The following NMD3 variants were observed in gnomAD, a reference collection of about 807,000 sequenced individuals.
NMD3 encodes 60S ribosomal export protein NMD3.
A neutral mutation model predicts 73.1 loss-of-function variants in NMD3; 47 were observed. That is an observed-to-expected ratio of 0.64 (90% CI 0.51 to 0.82). The LOEUF (loss-of-function observed/expected upper bound fraction) is 0.82. Ranked by LOEUF, NMD3 falls within the 40% of genes least tolerant of loss-of-function variation. The pLI is 0.00. For missense variants in NMD3, 554 were observed against 612.5 expected (o/e 0.90, Z 1.01); for synonymous variants, 210 against 194.5 (o/e 1.08, Z -0.66).
Position 161,234,390 on chromosome 3 carries a change from G to C in NMD3, c.358-337G>C, listed in dbSNP as rs536323784. Among the ~76,000 whole-genome samples the C allele has an allele frequency of 1.7e-4, 26 of 151,224 alleles. No individual in the cohort carries two copies. In the South Asian group the frequency reaches 4.8e-3, roughly 28 times the overall value. On this transcript the variant is annotated intron_variant, in intron 5 of 15. Transcript: ENST00000351193. ...TGCAGTGAACCAAGATCGTGCCACT[G>C]TACTCCAGGCTGGGCAACAGGCAGA... is the stretch of plus-strand genomic sequence containing the variant.
intron 4 of NMD3, among the ~76,000 whole-genome samples, chr3:161,231,682 C>T (rs546193165): frequency 8.5e-5 from 13 of 152,122 alleles, no homozygotes; most frequent in Admixed American, 5.9e-4. Flanking sequence ...AGAGCAAGGA[C>T]GATAGCTGTC....
intron 11 of NMD3, among the ~76,000 whole-genome samples, chr3:161,245,296 A>G (rs1250828786): frequency 6.6e-6 from 1 of 152,068 alleles, no homozygotes; most frequent in Non-Finnish European, 1.5e-5. Context: ...CTTTTCATTT[A>G]TAATAAATGT....
intron 4 of NMD3, among the ~76,000 whole-genome samples, chr3:161,230,222 C>CTAAG (rs1736479959): frequency 6.6e-6 from 1 of 152,150 alleles, no homozygotes; most frequent in African/African-American, 2.4e-5. Context: ...CCTCAGCCTC[C>CTAAG]TAAGTAGTTG....
At chr3:161,241,368 GTTAA>G (rs2108093468) in intron 10 of NMD3, among the ~76,000 whole-genome samples, 2 of 146,274 alleles carry the variant, frequency 1.4e-5, no homozygotes, top group African/African-American at 5.0e-5. Flanking sequence ...AAACAATTCT[GTTAA>G]TTTTTACATA....
chr3:161,243,415 G>T (rs868814786), intron 11 of NMD3, among the ~76,000 whole-genome samples: 2 of 152,106 alleles, frequency 1.3e-5, no homozygotes, highest in Non-Finnish European at 2.9e-5. Flanking sequence ...ATGGATAAGG[G>T]GGGGATTACT....
At chr3:161,226,012 TA>T (rs1281505878) in intron 3 of NMD3, among the ~76,000 whole-genome samples, 2 of 152,126 alleles carry the variant, frequency 1.3e-5, no homozygotes, top group Non-Finnish European at 2.9e-5. Context: ...AAAGTACTGA[TA>T]AAGAACTAAA....
At chr3:161,247,460 G>A in intron 13 of NMD3, 130 bp downstream of exon 13, 4 of 519,982 alleles carry the variant, frequency 7.7e-6, no homozygotes, top group African/African-American at 1.9e-5. Context: ...CTGCAGATAA[G>A]GTATAATAGC....
intron 2 of NMD3, among the ~76,000 whole-genome samples, 165 bp downstream of exon 2, chr3:161,222,222 T>A (rs1195628867): frequency 6.6e-6 from 1 of 152,212 alleles, no homozygotes; most frequent in African/African-American, 2.4e-5. Flanking sequence ...TAGTTTCTGG[T>A]TATAAAGCTT....
chr3:161,238,626 G>A lies in NMD3; in HGVS notation c.657-104G>A, dbSNP rs1391042833. On this transcript the variant is annotated intron_variant, in intron 8 of 15. Coordinates refer to ENST00000351193, the MANE Select transcript of NMD3 (RefSeq NM_015938.5). ...GAGGAGGCATCATGAAGCCATTTTA[G>A]ACCTTGGACAATGATGGTTTGATTT... is the stretch of plus-strand genomic sequence containing the variant. 10 of 668,242 alleles carry A rather than the reference G, an allele frequency of 1.5e-5. No homozygotes were observed. In the African/African-American group the frequency reaches 1.8e-4, roughly 12 times the overall value. 41.4% of individuals were successfully genotyped at this position (668,242 alleles called of 1,614,324 possible).
intron 3 of NMD3, among the ~76,000 whole-genome samples, chr3:161,226,205 G>A (rs1009771233): frequency 6.6e-6 from 1 of 152,142 alleles, no homozygotes; most frequent in Non-Finnish European, 1.5e-5. Context: ...TGTAATCCAA[G>A]CACTTGAGGA....
At chr3:161,223,913 G>T (rs1210163517) in intron 2 of NMD3, among the ~76,000 whole-genome samples, 1 of 152,172 alleles carries the variant, frequency 6.6e-6, no homozygotes, top group Non-Finnish European at 1.5e-5. Flanking sequence ...TACACTTGTG[G>T]TTGGGAAGTT....
intron 11 of NMD3, 22 bp from the exon 12 acceptor site, chr3:161,246,314 G>A (rs1336197421): frequency 1.2e-6 from 1 of 857,032 alleles, no homozygotes; most frequent in Non-Finnish European, 1.8e-6. Flanking sequence ...TTATTGAAGA[G>A]TACATTTTCT....
At chr3:161,223,335 G>T (rs757394924) in intron 2 of NMD3, among the ~76,000 whole-genome samples, 5 of 152,126 alleles carry the variant, frequency 3.3e-5, no homozygotes, top group Non-Finnish European at 7.4e-5. Context: ...GGACAATGTT[G>T]TTCTACATTA....
In NMD3 at chr3:161,238,792, G is replaced by A. The variant is rs200251411; in HGVS notation, c.719G>A (p.Ser240Asn). 1 of 1,570,636 alleles carries A rather than the reference G, an allele frequency of 6.4e-7. No homozygotes were observed. Among genetic ancestry groups the A allele is most frequent in the Non-Finnish European group, 8.7e-7 (1 of 1,150,616 alleles). Residue 240 changes from serine (S) to asparagine (N), a missense_variant, in exon 9 of 16, where the codon AGC becomes AAC. Physicochemically the swap from Ser to Asn is conservative, Grantham distance 46. Transcript: ENST00000351193. ...DIHSNTYNYK[S>N]TFSVEIVPIC... ...CATAGTAACACATACAATTACAAAA[G>A]CACTTTTTCTGTGGAAATTGTTCCA...
At chr3:161,247,203 A>G in intron 12 of NMD3, 55 bp from the exon 13 acceptor site, 1 of 1,139,120 alleles carries the variant, frequency 8.8e-7, no homozygotes, top group Non-Finnish European at 1.3e-6. Context: ...CATAAAATAA[A>G]AAGTTACACA....
chr3:161,252,995 G>A (rs1737547071), downstream of NMD3: 3 of 339,536 alleles, frequency 8.8e-6, no homozygotes, highest in African/African-American at 2.2e-5. Context: ...TACTCGGGAC[G>A]CTGAGGCAGG....
chr3:161,233,140 A>AT (rs1415009020), intron 4 of NMD3, among the ~76,000 whole-genome samples: 5 of 150,260 alleles, frequency 3.3e-5, no homozygotes, highest in African/African-American at 1.2e-4. Context: ...AGGGAAAAGA[A>AT]TTTTTTTCCT....
At chr3:161,245,088 G>C (rs1737147419) in intron 11 of NMD3, among the ~76,000 whole-genome samples, 1 of 151,914 alleles carries the variant, frequency 6.6e-6, no homozygotes, top group Non-Finnish European at 1.5e-5. Flanking sequence ...CTTCAAAGAT[G>C]AAAGTCTGGC....
At chr3:161,233,313 A>G in intron 4 of NMD3, 86 bp from the exon 5 acceptor site, 2 of 837,680 alleles carry the variant, frequency 2.4e-6, no homozygotes, top group East Asian at 2.5e-5. Flanking sequence ...ATCTTATGAA[A>G]TCTGCTTATT....
Sources: allele counts gnomAD v4.1 joint callset (sites outside exome capture counted in the v4.1 genomes callset), GRCh38; gene constraint gnomAD v4.1.1; transcripts MANE v1.5; gene names NCBI Gene and HGNC (gene_info 2026-07-23, HGNC 2026-07-21).